ADAMTS12: variants seen among roughly 807,000 people sequenced by gnomAD.
The protein encoded by ADAMTS12 is A disintegrin and metalloproteinase with thrombospondin motifs 12.
In ADAMTS12, 118 loss-of-function variants were observed where a neutral mutation model predicts 167.8. That is an observed-to-expected ratio of 0.70 (90% CI 0.61 to 0.82). ADAMTS12 has a LOEUF of 0.82. Among genes scored for constraint, ADAMTS12 ranks in the 40% least tolerant of loss-of-function variants. ADAMTS12 has a pLI of 0.00. For missense variants in ADAMTS12, 1,916 were observed against 1,998.8 expected (o/e 0.96, Z 0.79); for synonymous variants, 704 against 716.9 (o/e 0.98, Z 0.29).
At chr5:33,574,337 G>A (rs1369474706) in intron 19 of ADAMTS12, among the ~76,000 whole-genome samples, 2 of 151,826 alleles carry the variant, frequency 1.3e-5, no homozygotes, top group South Asian at 2.1e-4. Context: ...GCAAAGACTT[G>A]GAACCAACCC....
chr5:33,886,050 T>G (rs1750625264), intron 1 of ADAMTS12, among the ~76,000 whole-genome samples: 1 of 152,216 alleles, frequency 6.6e-6, no homozygotes, highest in Admixed American at 6.5e-5. Context: ...AATAACAATT[T>G]TTCTCATAAA....
At chr5:33,737,140 G>T (rs1433597618) in intron 3 of ADAMTS12, among the ~76,000 whole-genome samples, 1 of 152,178 alleles carries the variant, frequency 6.6e-6, no homozygotes, top group Non-Finnish European at 1.5e-5. Flanking sequence ...GAATCTAATG[G>T]CCCTTGTTCT....
At chr5:33,840,901 C>G (rs559358414) in intron 2 of ADAMTS12, among the ~76,000 whole-genome samples, 3 of 152,320 alleles carry the variant, frequency 2.0e-5, no homozygotes, top group South Asian at 4.1e-4. Context: ...TAGTGCAGTG[C>G]TAAACCAAAT....
At chr5:33,639,431 T>C (rs1561188132) in intron 11 of ADAMTS12, among the ~76,000 whole-genome samples, 1 of 152,138 alleles carries the variant, frequency 6.6e-6, no homozygotes, top group East Asian at 1.9e-4. Context: ...ATGAGAGTTA[T>C]GTGAAGGGGA....
At chr5:33,819,926 C>A (rs965548829) in intron 2 of ADAMTS12, among the ~76,000 whole-genome samples, 7 of 152,130 alleles carry the variant, frequency 4.6e-5, no homozygotes, top group Non-Finnish European at 1.0e-4. Context: ...TATTCTCCAT[C>A]CTCTTGCTGC....
At chr5:33,549,474 A>C in intron 20 of ADAMTS12, 91 bp from the exon 21 acceptor site, 1 of 1,450,906 alleles carries the variant, frequency 6.9e-7, no homozygotes, top group East Asian at 2.3e-5. Context: ...CCAGGCATTC[A>C]GTCATAAAGA....
chr5:33,667,306 A>T (rs1741507951), intron 5 of ADAMTS12, among the ~76,000 whole-genome samples: 1 of 116,152 alleles, frequency 8.6e-6, no homozygotes, highest in Admixed American at 1.1e-4. Flanking sequence ...CAACAGAGTG[A>T]GACTCTGTCT....
At chr5:33,829,355 T>G (rs1000041840) in intron 2 of ADAMTS12, among the ~76,000 whole-genome samples, 4 of 152,186 alleles carry the variant, frequency 2.6e-5, no homozygotes, top group Admixed American at 2.6e-4. Context: ...CTCTATTTTT[T>G]CCCTGTGTGC....
At chr5:33,829,941 T>C (rs940865804) in intron 2 of ADAMTS12, among the ~76,000 whole-genome samples, 7 of 152,178 alleles carry the variant, frequency 4.6e-5, no homozygotes, top group Admixed American at 4.6e-4. Context: ...CATAACTCTC[T>C]TGGTCTAGCC....
intron 3 of ADAMTS12, among the ~76,000 whole-genome samples, chr5:33,696,686 C>A (rs973221261): frequency 6.6e-6 from 1 of 152,128 alleles, no homozygotes; most frequent in Non-Finnish European, 1.5e-5. Context: ...TAAGTCTGCA[C>A]TGGGAGGCTG....
intron 3 of ADAMTS12, among the ~76,000 whole-genome samples, chr5:33,704,338 G>T (rs1046319271): frequency 6.6e-6 from 1 of 152,090 alleles, no homozygotes; most frequent in Non-Finnish European, 1.5e-5. Flanking sequence ...GAAGATCCAG[G>T]TTTCAATTCC....
At chr5:33,640,812 AAT>A (rs1324320932) in intron 11 of ADAMTS12, among the ~76,000 whole-genome samples, 4 of 150,088 alleles carry the variant, frequency 2.7e-5, no homozygotes, top group African/African-American at 9.7e-5. Flanking sequence ...AAAAATATAT[AAT>A]ATATATAGTG....
chr5:33,549,485 G>A (rs1745151368), intron 20 of ADAMTS12, 102 bp from the exon 21 acceptor site: 3 of 1,408,390 alleles, frequency 2.1e-6, no homozygotes, highest in Non-Finnish European at 2.9e-6. Context: ...GTCATAAAGA[G>A]GGGTTAGGTC....
chr5:33,718,179 G>A (rs937863249), intron 3 of ADAMTS12, among the ~76,000 whole-genome samples: 2 of 152,214 alleles, frequency 1.3e-5, no homozygotes, highest in Admixed American at 1.3e-4. Flanking sequence ...GGGCACTAAA[G>A]ATCATCTATC....
chr5:33,659,456 C>A (rs1406553889), intron 6 of ADAMTS12, among the ~76,000 whole-genome samples: 1 of 152,170 alleles, frequency 6.6e-6, no homozygotes, highest in African/African-American at 2.4e-5. Flanking sequence ...TTCAAAAAGT[C>A]CAGGTCTGTG....
At chr5:33,870,670 T>C (rs899559080) in intron 2 of ADAMTS12, among the ~76,000 whole-genome samples, 15 of 152,222 alleles carry the variant, frequency 9.9e-5, no homozygotes, top group Admixed American at 9.8e-4. Context: ...CCAAATCCCA[T>C]GGCAAATTGT....
intron 3 of ADAMTS12, among the ~76,000 whole-genome samples, chr5:33,697,634 T>C (rs1388951894): frequency 6.6e-6 from 1 of 152,162 alleles, no homozygotes; most frequent in East Asian, 1.9e-4. Flanking sequence ...ATACCAGGCA[T>C]TATCAGTACC....
chr5:33,741,055 C>T (rs1055728782), intron 3 of ADAMTS12, among the ~76,000 whole-genome samples: 4 of 152,244 alleles, frequency 2.6e-5, no homozygotes, highest in African/African-American at 9.6e-5. Flanking sequence ...GTCACAGTCC[C>T]ATGCAGCCAG....
intron 16 of ADAMTS12, among the ~76,000 whole-genome samples, chr5:33,606,181 C>T (rs926355564): frequency 6.6e-5 from 10 of 152,232 alleles, no homozygotes; most frequent in Non-Finnish European, 1.5e-4. Context: ...CTCCTGACCT[C>T]AGGTGATCTG....
Sources: gnomAD v4.1 joint callset for allele counts (sites outside exome capture counted in the v4.1 genomes callset) on GRCh38, gnomAD v4.1.1 for gene constraint, MANE v1.5 for transcripts, NCBI Gene and HGNC (gene_info 2026-07-23, HGNC 2026-07-21) for gene names.